The following CTNNA3 variants were observed in gnomAD, a reference collection of about 807,000 sequenced individuals.
The protein encoded by CTNNA3 is catenin alpha-3.
In CTNNA3, 76 loss-of-function variants were observed where a neutral mutation model predicts 95.7. That is an observed-to-expected ratio of 0.79 (90% confidence interval 0.66 to 0.96). The LOEUF (loss-of-function observed/expected upper bound fraction) is 0.96, where lower values mean the gene tolerates loss of function less well. CTNNA3 is among the 40% of genes least tolerant of loss of function. The pLI, the probability that CTNNA3 is intolerant of heterozygous loss-of-function variation, is 0.00. For missense variants in CTNNA3, 1,191 were observed against 1,089.8 expected, an observed-to-expected ratio of 1.09 and a Z score of -1.31; for synonymous variants, 431 against 374.4, an observed-to-expected ratio of 1.15 and a Z score of -1.74.
At chr10:66,125,095 C>T (rs2133828802) in intron 13 of CTNNA3, among the ~76,000 whole-genome samples, 1 of 152,180 alleles carries the variant, frequency 6.6e-6, no homozygotes, top group Middle Eastern at 3.4e-3. Context: ...GCACATCTGC[C>T]CTTCAAGAAA....
At chr10:67,322,660 T>C (rs1841375535) in intron 5 of CTNNA3, among the ~76,000 whole-genome samples, 1 of 152,210 alleles carries the variant, frequency 6.6e-6, no homozygotes, top group Non-Finnish European at 1.5e-5. Context: ...TCTTTGCTAT[T>C]GTGATTAGTG....
chr10:67,702,340 A>T (rs1035627203), intron 1 of CTNNA3, among the ~76,000 whole-genome samples: 4 of 152,140 alleles, frequency 2.6e-5, no homozygotes, highest in African/African-American at 7.2e-5. Flanking sequence ...TCAGCACCAC[A>T]CCACACCTAT....
At chr10:66,591,930 C>G (rs946475197) in intron 10 of CTNNA3, among the ~76,000 whole-genome samples, 2 of 152,048 alleles carry the variant, frequency 1.3e-5, no homozygotes, top group Non-Finnish European at 2.9e-5. Context: ...ATAACCCTAT[C>G]AGCTCATATT....
At chr10:66,669,659 TAA>T (rs1484183001) in intron 9 of CTNNA3, among the ~76,000 whole-genome samples, 2 of 152,298 alleles carry the variant, frequency 1.3e-5, no homozygotes, top group African/African-American at 4.8e-5. Context: ...TGTTTTCAGT[TAA>T]GGAAAGGGAA....
At chr10:66,597,511 CATATATATATATATATAT>C (rs369390875) in intron 10 of CTNNA3, among the ~76,000 whole-genome samples, 1,437 of 70,994 alleles carry the variant, frequency 0.02, 49 homozygotes, top group African/African-American at 0.033. Flanking sequence ...TTATTTCATA[CATATATATATATATATAT>C]ATATATATAT....
At chr10:66,328,911 C>CATATATATATAT (rs1554935009) in intron 12 of CTNNA3, among the ~76,000 whole-genome samples, 2,005 of 86,352 alleles carry the variant, frequency 0.023, 94 homozygotes, top group Non-Finnish European at 0.032. Flanking sequence ...CACATATATA[C>CATATATATATAT]ATATATATAT....
Position 66,172,632 on chromosome 10 carries a change from A to G in CTNNA3, c.1885-69383T>C, listed in dbSNP as rs369906700. 4.8e-3 allele frequency among the ~76,000 whole-genome samples: 727 copies of G among 152,230 alleles called. 3 individuals are homozygous for G. Among genetic ancestry groups the G allele is most frequent in the Admixed American group, 7.8e-3 (120 of 15,294 alleles). On this transcript the variant is annotated intron_variant, in intron 13 of 17. Transcript: ENST00000433211. ...CATTCATTGCATCTATGATAAATTG[A>G]TGGTATTTCTTTAGGAAAGAAATAC...
rs188673072 is a variant in CTNNA3 at position 67,385,749 on chromosome 10, G to A, written c.579+136093C>T. ...GCAACAGCACCATCAGAGCAAGACA[G>A]CTGTGTCCAGGAACTACATTCCTAC... On this transcript the variant is annotated intron_variant, in intron 5 of 17. Transcript: ENST00000433211. Among the ~76,000 whole-genome samples the A allele has an allele frequency of 1.8e-4, 27 of 151,882 alleles. No homozygotes were observed. The East Asian group carries it at 5.1e-3, about 28-fold the overall frequency.
intron 13 of CTNNA3, among the ~76,000 whole-genome samples, chr10:66,103,819 C>T (rs2081758633): frequency 1.3e-5 from 2 of 152,086 alleles, no homozygotes; most frequent in Admixed American, 6.5e-5. Flanking sequence ...ATCACAAACC[C>T]TTCTGAATAT....
At chr10:66,797,530 T>A (rs1369659385) in intron 7 of CTNNA3, among the ~76,000 whole-genome samples, 1 of 152,076 alleles carries the variant, frequency 6.6e-6, no homozygotes, top group Non-Finnish European at 1.5e-5. Context: ...CCTTTTTCTG[T>A]TCCTCCTTAA....
chr10:67,468,681 TTC>T (rs1298177379), intron 5 of CTNNA3, among the ~76,000 whole-genome samples: 1 of 152,178 alleles, frequency 6.6e-6, no homozygotes, highest in Non-Finnish European at 1.5e-5. Flanking sequence ...GTAGGGATTT[TTC>T]TCTCTTTCCC....
chr10:67,300,600 T>C (rs1840225083), intron 5 of CTNNA3, among the ~76,000 whole-genome samples: 1 of 152,224 alleles, frequency 6.6e-6, no homozygotes, highest in South Asian at 2.1e-4. Context: ...CCTTATTGAC[T>C]ATAGGTCATC....
chr10:67,464,896 A>G (rs1847526865), intron 5 of CTNNA3, among the ~76,000 whole-genome samples: 1 of 151,708 alleles, frequency 6.6e-6, no homozygotes, highest in East Asian at 2.0e-4. Context: ...AGTACAGATC[A>G]TTCAGTATTC....
intron 11 of CTNNA3, among the ~76,000 whole-genome samples, chr10:66,466,732 C>T (rs796452690): frequency 2.0e-5 from 3 of 152,076 alleles, no homozygotes; most frequent in African/African-American, 7.2e-5. Flanking sequence ...TTGACATGGC[C>T]CAGGAGCTTA....
intron 16 of CTNNA3, among the ~76,000 whole-genome samples, chr10:65,976,139 C>T (rs994510888): frequency 1.3e-5 from 2 of 152,132 alleles, no homozygotes; most frequent in Non-Finnish European, 2.9e-5. Flanking sequence ...CTGGCTACAC[C>T]TCCTTACCTC....
At chr10:66,766,131 T>G (rs1382452993) in intron 9 of CTNNA3, 133 bp downstream of exon 9, 13 of 787,682 alleles carry the variant, frequency 1.7e-5, no homozygotes, top group Non-Finnish European at 2.5e-5. Context: ...CACCTTCATA[T>G]TACTTTGGCC....
rs1554959967 is a variant in CTNNA3, at chr10:66,420,835, A to AAATTAATTAATT, written c.1532-41484_1532-41483insAATTAATTAATT. ...TAAATAAATAAATAAATAAATAAATAAATAAAAAACAATATGGAGATTTCT... is the reference window on the plus strand; with the variant it reads ...TAAATAAATAAATAAATAAATAAATAAATTAATTAATTAATAAAAAACAATATGGAGATTTCT... On this transcript the variant is annotated intron_variant, in intron 11 of 17. Transcript: ENST00000433211. 4.8e-3 allele frequency among the ~76,000 whole-genome samples: 446 copies of AAATTAATTAATT among 93,006 alleles called. 2 individuals are homozygous for AAATTAATTAATT. The highest frequency in any genetic ancestry group is 0.036 in the South Asian group (94 of 2,624). 61.0% of individuals were successfully genotyped at this position (93,006 alleles called of 152,430 possible).
rs1018770076 is a variant in CTNNA3 at position 67,028,639 on chromosome 10, A to G, written c.1047+151678T>C. On this transcript the variant is annotated intron_variant, in intron 7 of 17. Transcript: ENST00000433211. ...TCAGAGATAACTGATACAACAAGCT[A>G]GTTCTACTTAAAAAAAAAAAAAAAA... 1.3e-4 allele frequency among the ~76,000 whole-genome samples: 14 copies of G among 105,958 alleles called. No individual in the cohort carries two copies. The Admixed American group carries it at 1.8e-3, about 13-fold the overall frequency. The allele number at this position is 105,958 out of a possible 152,430, so 69.5% of individuals were successfully genotyped here. A position where few individuals can be genotyped will look rare whatever the true frequency, so the allele number is the denominator to read the frequency against.
At chr10:67,750,749 C>G (rs1564846253) in intron 1 of CTNNA3, 8 of 1,595,452 alleles carry the variant, frequency 5.0e-6, no homozygotes, top group Non-Finnish European at 6.9e-6. Flanking sequence ...CTGGTGAAAG[C>G]CCTTGGGGTC....
Sources: allele counts gnomAD v4.1 joint callset (sites outside exome capture counted in the v4.1 genomes callset), GRCh38; gene constraint gnomAD v4.1.1; transcripts MANE v1.5; gene names NCBI Gene and HGNC (gene_info 2026-07-23, HGNC 2026-07-21).